SNTG1: variants seen among roughly 807,000 people sequenced by gnomAD.
SNTG1 encodes syntrophin gamma 1.
In SNTG1, 39 loss-of-function variants were observed where a neutral mutation model predicts 74.7. That is an observed-to-expected ratio of 0.52 (90% confidence interval 0.40 to 0.68). The LOEUF is 0.68. Among genes scored for constraint, SNTG1 ranks in the 30% least tolerant of loss-of-function variants. SNTG1 has a pLI of 0.00. For missense variants in SNTG1, 685 were observed against 609.5 expected (o/e 1.12, Z -1.30); for synonymous variants, 254 against 217.1 (o/e 1.17, Z -1.49).
At chr8:50,491,885 C>CG (rs148585220) in intron 8 of SNTG1, among the ~76,000 whole-genome samples, 11,707 of 64,954 alleles carry the variant, frequency 0.18, 1,071 homozygotes, top group African/African-American at 0.32. Context: ...CTAGCTCCCC[C>CG]GCCCCCCTAC....
intron 9 of SNTG1, among the ~76,000 whole-genome samples, chr8:50,517,273 C>A (rs2094141162): frequency 6.6e-6 from 1 of 152,042 alleles, no homozygotes; most frequent in African/African-American, 2.4e-5. Flanking sequence ...CTAAATCTGC[C>A]TTACAAGAGT....
chr8:49,954,503 C>A (rs1046710420), intron 1 of SNTG1, among the ~76,000 whole-genome samples: 1 of 152,128 alleles, frequency 6.6e-6, no homozygotes, highest in Non-Finnish European at 1.5e-5. Flanking sequence ...CCAAGAAATA[C>A]GTACTCAAAA....
At chr8:50,229,709 G>T (rs1356000787) in intron 2 of SNTG1, among the ~76,000 whole-genome samples, 1 of 151,320 alleles carries the variant, frequency 6.6e-6, no homozygotes, top group Non-Finnish European at 1.5e-5. Context: ...TTAGTTGACT[G>T]AATAGCACTG....
Position 50,085,034 on chromosome 8 carries a change from T to C in SNTG1, c.-102-87527T>C, listed in dbSNP as rs541610771. On this transcript the variant is annotated intron_variant, in intron 1 of 18. Transcript: ENST00000642720. Reference sequence around the variant, plus strand: ...TTGTAACTACAATTAATGATGAACATGTTTGTAGTTTAAGTGCACTCTTAA... The same window carrying C: ...TTGTAACTACAATTAATGATGAACACGTTTGTAGTTTAAGTGCACTCTTAA... Among the ~76,000 whole-genome samples, 12 of 152,340 alleles carry C rather than the reference T, an allele frequency of 7.9e-5. No homozygotes were observed. In the East Asian group the frequency reaches 1.7e-3, roughly 22 times the overall value.
At chr8:50,067,878 C>T (rs1054584928) in intron 1 of SNTG1, among the ~76,000 whole-genome samples, 1 of 152,172 alleles carries the variant, frequency 6.6e-6, no homozygotes, top group African/African-American at 2.4e-5. Context: ...GTTGCAGGGT[C>T]TCCATCAACC....
At chr8:50,745,403 T>C (rs1344582338) in intron 17 of SNTG1, among the ~76,000 whole-genome samples, 1 of 151,996 alleles carries the variant, frequency 6.6e-6, no homozygotes, top group Non-Finnish European at 1.5e-5. Flanking sequence ...AAGTTGTTGA[T>C]GAGGATGTGG....
In SNTG1 at chr8:50,304,693, T is replaced by C. The variant is rs540037521; in HGVS notation, c.-27-89519T>C. Among the ~76,000 whole-genome samples, 3 of 152,314 alleles carry C rather than the reference T, an allele frequency of 2.0e-5. No individual in the cohort carries two copies. In the East Asian group the frequency reaches 5.8e-4, roughly 29 times the overall value. On this transcript the variant is annotated intron_variant, in intron 2 of 18. Transcript: ENST00000642720. ...TCCTGCTCCCACCCACTTCTAGTTC[T>C]TGACTTATATCTTTATTGTCTGAGC...
rs1180322666 is a variant in SNTG1 at position 50,264,309 on chromosome 8, T to C, written c.-28+91674T>C. On this transcript the variant is annotated intron_variant, in intron 2 of 18. Transcript: ENST00000642720. Reference sequence around the variant, plus strand: ...TGCACTGGGTGCAGTGGCTGATGTCTGTAATCTCAGTACTTTGGGAGGCTG... The same window carrying C: ...TGCACTGGGTGCAGTGGCTGATGTCCGTAATCTCAGTACTTTGGGAGGCTG... Among the ~76,000 whole-genome samples the C allele has an allele frequency of 3.3e-5, 5 of 152,266 alleles. No individual in the cohort carries two copies. In the East Asian group the frequency reaches 5.8e-4, roughly 18 times the overall value.
At chr8:50,547,604 T>G (rs1322667376) in intron 11 of SNTG1, among the ~76,000 whole-genome samples, 3 of 152,108 alleles carry the variant, frequency 2.0e-5, no homozygotes, top group Non-Finnish European at 4.4e-5. Flanking sequence ...TAATTAATAT[T>G]AATTTTAATT....
intron 13 of SNTG1, among the ~76,000 whole-genome samples, chr8:50,649,171 C>T (rs1478939009): frequency 6.6e-6 from 1 of 152,120 alleles, no homozygotes; most frequent in East Asian, 1.9e-4. Flanking sequence ...GTTGGGACTA[C>T]TAAAGAGAAT....
chr8:50,447,291 A>G (rs1466369588), intron 5 of SNTG1, among the ~76,000 whole-genome samples: 1 of 152,218 alleles, frequency 6.6e-6, no homozygotes, highest in Non-Finnish European at 1.5e-5. Flanking sequence ...TAGCAGAATA[A>G]GAGAAAAGGG....
intron 8 of SNTG1, among the ~76,000 whole-genome samples, chr8:50,473,731 C>A (rs2093672107): frequency 6.6e-6 from 1 of 152,138 alleles, no homozygotes; most frequent in South Asian, 2.1e-4. Context: ...ATATTATTCT[C>A]CCCCAAATGG....
intron 1 of SNTG1, among the ~76,000 whole-genome samples, chr8:50,162,371 G>C (rs2082448281): frequency 6.6e-6 from 1 of 151,892 alleles, no homozygotes; most frequent in South Asian, 2.1e-4. Context: ...GACCACCCTG[G>C]CTAACACGGT....
chr8:50,011,618 G>A (rs577555624), intron 1 of SNTG1, among the ~76,000 whole-genome samples: 3 of 91,452 alleles, frequency 3.3e-5, no homozygotes, highest in African/African-American at 8.1e-5. Context: ...CTATCCCAAG[G>A]TGAAATTAAA....
rs529200291 is a variant in SNTG1 at position 50,339,424 on chromosome 8, G to C, written c.-27-54788G>C. 3.4e-4 allele frequency among the ~76,000 whole-genome samples: 52 copies of C among 152,062 alleles called. 2 individuals are homozygous for C. The South Asian group carries it at 0.01, about 30-fold the overall frequency. Reference sequence around the variant, plus strand: ...TTAATTTAGCTAACAGCTCTTCTGTGAAATAATAATAACAATGGTCTATAT... The same window carrying C: ...TTAATTTAGCTAACAGCTCTTCTGTCAAATAATAATAACAATGGTCTATAT... On this transcript the variant is annotated intron_variant, in intron 2 of 18. Coordinates refer to ENST00000642720, the MANE Select transcript of SNTG1 (RefSeq NM_018967.5).
At chr8:49,917,373 G>T (rs531272663) in intron 1 of SNTG1, among the ~76,000 whole-genome samples, 49 of 152,098 alleles carry the variant, frequency 3.2e-4, no homozygotes, top group Non-Finnish European at 6.0e-4. Context: ...GTGCTCTCAT[G>T]GTGGAACATA....
At chr8:50,244,129 G>T (rs2129731101) in intron 2 of SNTG1, among the ~76,000 whole-genome samples, 1 of 152,192 alleles carries the variant, frequency 6.6e-6, no homozygotes, top group Non-Finnish European at 1.5e-5. Flanking sequence ...GAGCAGACAT[G>T]CAGGAGCAAG....
intron 18 of SNTG1, among the ~76,000 whole-genome samples, chr8:50,782,410 A>G (rs555446542): frequency 7.9e-5 from 12 of 152,064 alleles, no homozygotes; most frequent in Non-Finnish European, 1.0e-4. Context: ...GTTTCTTTTT[A>G]TTCTTTTTTC....
chr8:50,387,075 A>T (rs1265161164), intron 2 of SNTG1, among the ~76,000 whole-genome samples: 1 of 152,138 alleles, frequency 6.6e-6, no homozygotes, highest in Non-Finnish European at 1.5e-5. Context: ...GCTTCTAGGG[A>T]CACATGATCA....
Sources: allele counts gnomAD v4.1 joint callset (sites outside exome capture counted in the v4.1 genomes callset), GRCh38; gene constraint gnomAD v4.1.1; transcripts MANE v1.5; gene names NCBI Gene and HGNC (gene_info 2026-07-23, HGNC 2026-07-21).